The following NTNG2 variants were observed in gnomAD, a reference collection of about 807,000 sequenced individuals.
NTNG2 encodes netrin-G2.
A neutral mutation model predicts 47.6 loss-of-function variants in NTNG2; 15 were observed. That is an observed-to-expected ratio of 0.32 (90% CI 0.21 to 0.49). NTNG2 has a LOEUF of 0.49. NTNG2 is among the 20% of genes least tolerant of loss of function. NTNG2 has a pLI of 0.99. For synonymous variants in NTNG2, 307 were observed against 324.6 expected, an observed-to-expected ratio of 0.95 and a Z score of 0.58; for missense variants, 578 against 764.6, an observed-to-expected ratio of 0.76 and a Z score of 2.88.
chr9:132,219,516 T>C (rs2130886295), intron 3 of NTNG2, among the ~76,000 whole-genome samples: 1 of 141,420 alleles, frequency 7.1e-6, no homozygotes, highest in East Asian at 2.1e-4. Context: ...GAGGTTGCAG[T>C]GAGCCAAGAT....
rs557542649 is a variant in NTNG2 at position 132,180,927 on chromosome 9, G to C, written c.213+13883G>C. ...GGCACACACACACACATATAAGGTT[G>C]CAAACACTTTCAGGGACTTCCCAGA... On this transcript the variant is annotated intron_variant, in intron 2 of 7. Transcript: ENST00000393229. This position sits in a 1 kb window ranked among gnomAD's most constrained non-coding sequence, Gnocchi z 4.2. Among the ~76,000 whole-genome samples the C allele has an allele frequency of 3.9e-5, 6 of 152,316 alleles. No homozygotes were observed. In the South Asian group the frequency reaches 1.2e-3, roughly 32 times the overall value.
In NTNG2 at chr9:132,182,721, A is replaced by G. The variant is rs1589398012; in HGVS notation, c.214-15245A>G. On this transcript the variant is annotated intron_variant, in intron 2 of 7. Coordinates refer to ENST00000393229, the MANE Select transcript of NTNG2 (RefSeq NM_032536.4). This position sits in a 1 kb window ranked among gnomAD's most constrained non-coding sequence, Gnocchi z 4.2. The stretch of plus-strand genomic sequence containing the variant: ...GTTTCAGGTTTTGTGGCTCTTTTCC[A>G]TCTCCCAACACTTGGGGCAGTCTTC... 4.6e-5 allele frequency among the ~76,000 whole-genome samples: 7 copies of G among 152,146 alleles called. 1 individual carries two copies. Among genetic ancestry groups the G allele is most frequent in the Admixed American group, 4.6e-4 (7 of 15,294 alleles).
At chr9:132,186,885 G>A (rs1248836968) in intron 2 of NTNG2, among the ~76,000 whole-genome samples, 1 of 152,264 alleles carries the variant, frequency 6.6e-6, no homozygotes, top group African/African-American at 2.4e-5. Flanking sequence ...TGGGAGTGTG[G>A]CACAAAGGTG....
At chr9:132,220,795 A>G (rs936945480) in intron 3 of NTNG2, among the ~76,000 whole-genome samples, 5 of 152,020 alleles carry the variant, frequency 3.3e-5, no homozygotes, top group African/African-American at 1.2e-4. Flanking sequence ...TCTTTGATCC[A>G]TTTTGAGTTA....
chr9:132,215,486 AG>A lies in NTNG2; in HGVS notation c.858-11361del, dbSNP rs60030548. On this transcript the variant is annotated intron_variant, in intron 3 of 7. Coordinates refer to ENST00000393229, the MANE Select transcript of NTNG2 (RefSeq NM_032536.4). This position sits in a 1 kb window ranked among gnomAD's most constrained non-coding sequence, Gnocchi z 4.2. ...TCCCAGCTACTCGGGAGGCTGAGGC[AG>A]GATAATTGCTTGAACCCAGGAGGTG... Among the ~76,000 whole-genome samples the A allele has an allele frequency of 0.5, 76,202 of 151,558 alleles. 19,330 individuals carry two copies. Among genetic ancestry groups the A allele is most frequent in the South Asian group, 0.56 (2,685 of 4,814 alleles).
chr9:132,204,308 T>C (rs1839003610), intron 3 of NTNG2, among the ~76,000 whole-genome samples: 1 of 152,170 alleles, frequency 6.6e-6, no homozygotes, highest in South Asian at 2.1e-4. Context: ...CAACCTGTTT[T>C]TTCCTCAACA....
At chr9:132,195,814 T>G (rs1448377668) in intron 2 of NTNG2, among the ~76,000 whole-genome samples, 15 of 151,812 alleles carry the variant, frequency 9.9e-5, no homozygotes, top group Non-Finnish European at 2.9e-5. Context: ...TTTTTTTTTG[T>G]AGATACAGGG....
At chr9:132,187,918 C>T (rs564715251) in intron 2 of NTNG2, among the ~76,000 whole-genome samples, 1 of 152,196 alleles carries the variant, frequency 6.6e-6, no homozygotes, top group Non-Finnish European at 1.5e-5. Context: ...CACTCCTGCC[C>T]GGTCATTTTG....
At chr9:132,233,841 A>C (rs1841424787) in intron 5 of NTNG2, 1 of 152,130 alleles carries the variant, frequency 6.6e-6, no homozygotes, top group East Asian at 1.9e-4. Context: ...GCTTAGGAAG[A>C]AGCAGCTGGA....
In NTNG2 at chr9:132,197,439, T is replaced by C. The variant is rs1838395473; in HGVS notation, c.214-527T>C. Among the ~76,000 whole-genome samples the C allele has an allele frequency of 6.6e-6, 1 of 152,046 alleles. No homozygotes were observed. The highest frequency in any genetic ancestry group is 1.5e-5 in the Non-Finnish European group (1 of 67,994). On this transcript the variant is annotated intron_variant, in intron 2 of 7. Transcript: ENST00000393229. This position sits in a 1 kb window ranked among gnomAD's most constrained non-coding sequence, Gnocchi z 4.3. ...AAAATAAAAGGCTCAGGAAGGTGAC[T>C]CAGCTAAGGAGATATTTAGAGAGTC... is the stretch of plus-strand genomic sequence containing the variant.
Position 132,198,811 on chromosome 9 carries a change from G to A in NTNG2, c.857+202G>A, listed in dbSNP as rs559979001. On this transcript the variant is annotated intron_variant, in intron 3 of 7. Coordinates refer to ENST00000393229, the MANE Select transcript of NTNG2 (RefSeq NM_032536.4). Reference sequence around the variant, plus strand: ...GGGGTTACCTGGTATGTGATACATCGTTACCTGGTTCCCTGGGGGTTACCT... The same window carrying A: ...GGGGTTACCTGGTATGTGATACATCATTACCTGGTTCCCTGGGGGTTACCT... 7.4e-4 allele frequency among the ~76,000 whole-genome samples: 112 copies of A among 152,040 alleles called. 1 individual carries two copies. The highest frequency in any genetic ancestry group is 2.7e-3 in the African/African-American group (111 of 41,452).
Position 132,180,782 on chromosome 9 carries a change from G to C in NTNG2, c.213+13738G>C, listed in dbSNP as rs1836873941. On this transcript the variant is annotated intron_variant, in intron 2 of 7. Transcript: ENST00000393229. The surrounding 1 kb of genome is among the most constrained non-coding windows in gnomAD (Gnocchi z 4.2). ...GGGAGAAATGCAGGGAACCTACCCA[G>C]AAAACCCTGGAGCGGGAGCTTCTCA... Among the ~76,000 whole-genome samples, 2 of 152,192 alleles carry C rather than the reference G, an allele frequency of 1.3e-5. No individual in the cohort carries two copies.
In NTNG2 at chr9:132,163,590, T is replaced by C. The variant is rs1835260293; in HGVS notation, c.-484+1351T>C. Among the ~76,000 whole-genome samples, 1 of 152,030 alleles carries C rather than the reference T, an allele frequency of 6.6e-6. No individual in the cohort carries two copies. Among genetic ancestry groups the C allele is most frequent in the Non-Finnish European group, 1.5e-5 (1 of 67,960 alleles). On this transcript the variant is annotated intron_variant, in intron 1 of 7. Coordinates refer to ENST00000393229, the MANE Select transcript of NTNG2 (RefSeq NM_032536.4). The surrounding 1 kb of genome is among the most constrained non-coding windows in gnomAD (Gnocchi z 7.2). ...AGATTTCACCCCCCTCTGCCGCCCC[T>C]GCCGAGGAGGGAGAGGGAACCCCGG... is the stretch of plus-strand genomic sequence containing the variant.
chr9:132,232,225 A>C (rs1841287322), intron 5 of NTNG2: 1 of 151,476 alleles, frequency 6.6e-6, no homozygotes, highest in African/African-American at 2.4e-5. Flanking sequence ...CCCTGTCCCC[A>C]CCTGGCCCCC....
intron 2 of NTNG2, among the ~76,000 whole-genome samples, chr9:132,187,183 G>C (rs12352825): frequency 6.6e-6 from 1 of 152,196 alleles, no homozygotes. Flanking sequence ...AGGGGCGGTC[G>C]CCGTGGCTTT....
intron 2 of NTNG2, among the ~76,000 whole-genome samples, chr9:132,168,097 G>A (rs572402183): frequency 1.3e-5 from 2 of 152,362 alleles, no homozygotes; most frequent in Admixed American, 1.3e-4. Flanking sequence ...TCATACAGGT[G>A]GGGTAACTGA....
At chr9:132,185,692 A>C (rs1837309234) in intron 2 of NTNG2, among the ~76,000 whole-genome samples, 1 of 150,454 alleles carries the variant, frequency 6.6e-6, no homozygotes, top group Admixed American at 6.6e-5. Flanking sequence ...CCGTTCTTTC[A>C]TCCTTCCATC....
intron 2 of NTNG2, among the ~76,000 whole-genome samples, chr9:132,167,860 C>T (rs1250769578): frequency 6.6e-6 from 1 of 152,172 alleles, no homozygotes; most frequent in Non-Finnish European, 1.5e-5. Context: ...CTCCCCTCAG[C>T]TAGCCAGGTG....
Position 132,230,559 on chromosome 9 carries a change from C to G in NTNG2, c.1031-13C>G, listed in dbSNP as rs1841127759. 1 of 1,601,478 alleles carries G rather than the reference C, an allele frequency of 6.2e-7. No homozygotes were observed. The highest frequency in any genetic ancestry group is 8.5e-7 in the Non-Finnish European group (1 of 1,173,916). On this transcript the variant is annotated splice_polypyrimidine_tract_variant and intron_variant, in intron 4 of 7. Coordinates refer to ENST00000393229, the MANE Select transcript of NTNG2 (RefSeq NM_032536.4). ...CCTGGGGCAGCCAGCTCACGCCCGTCTCTCTCCCACAGGTGCCACTGCAGG... is the reference window on the plus strand; with the variant it reads ...CCTGGGGCAGCCAGCTCACGCCCGTGTCTCTCCCACAGGTGCCACTGCAGG...
Sources: gnomAD v4.1 joint callset for allele counts (sites outside exome capture counted in the v4.1 genomes callset) on GRCh38, gnomAD v4.1.1 for gene constraint, Gnocchi (gnomAD v3.1) non-coding constraint, MANE v1.5 for transcripts, NCBI Gene and HGNC (gene_info 2026-07-23, HGNC 2026-07-21) for gene names.